Variants in PAX3 observed in about 807,000 individuals in gnomAD.
The protein encoded by PAX3 is paired box 3, also known as paired box protein Pax-3.
A neutral mutation model predicts 51.6 loss-of-function variants in PAX3; 14 were observed. That is an observed-to-expected ratio of 0.27 (90% CI 0.18 to 0.42). The LOEUF (loss-of-function observed/expected upper bound fraction) is 0.42. Ranked by LOEUF, PAX3 falls within the 10% of genes least tolerant of loss-of-function variation. PAX3 has a pLI of 1.00. For missense variants in PAX3, 540 were observed against 642.8 expected (o/e 0.84, Z 1.73); for synonymous variants, 280 against 253.4 (o/e 1.11, Z -1.00).
intron 4 of PAX3, 87 bp downstream of exon 4, chr2:222,294,080 C>T: frequency 6.3e-7 from 1 of 1,596,752 alleles, no homozygotes; most frequent in South Asian, 1.1e-5. Context: ...CCGAGCTGGG[C>T]TTGGCTGCCG....
At chr2:222,260,600 T>TGAGGCAAAG in intron 4 of PAX3, among the ~76,000 whole-genome samples, 2 of 63,536 alleles carry the variant, frequency 3.1e-5, no homozygotes, top group Non-Finnish European at 6.6e-5. Flanking sequence ...TGTTTTTTTT[T>TGAGGCAAAG]TTTTTTTTTG....
chr2:222,296,933 G>A (rs926626036), intron 2 of PAX3, 45 bp downstream of exon 2: 2 of 1,502,096 alleles, frequency 1.3e-6, no homozygotes, highest in Admixed American at 1.8e-5. Flanking sequence ...CCCAACACAG[G>A]GGACCACAGT....
intron 7 of PAX3, among the ~76,000 whole-genome samples, chr2:222,212,552 T>C (rs1233492372): frequency 2.0e-5 from 3 of 151,972 alleles, no homozygotes; most frequent in African/African-American, 4.8e-5. Flanking sequence ...AATATTATAC[T>C]ATACATTGAA....
chr2:222,243,611 T>A (rs1219148653), intron 4 of PAX3, among the ~76,000 whole-genome samples: 2 of 152,258 alleles, frequency 1.3e-5, no homozygotes, highest in African/African-American at 4.8e-5. Context: ...TGTTATTTAC[T>A]AAGAAACAGA....
chr2:222,296,955 G>T, intron 2 of PAX3, 23 bp downstream of exon 2: 1 of 1,591,152 alleles, frequency 6.3e-7, no homozygotes, highest in Non-Finnish European at 8.6e-7. Flanking sequence ...TGGGAGCCAG[G>T]AGGGCAAGGC....
intron 4 of PAX3, among the ~76,000 whole-genome samples, chr2:222,251,915 C>T (rs918226830): frequency 6.6e-6 from 1 of 152,108 alleles, no homozygotes; most frequent in South Asian, 2.1e-4. Flanking sequence ...AATTTACCAA[C>T]AGAACTCTAA....
intron 4 of PAX3, among the ~76,000 whole-genome samples, chr2:222,265,785 G>A (rs758049192): frequency 6.6e-6 from 1 of 152,176 alleles, no homozygotes; most frequent in Non-Finnish European, 1.5e-5. Flanking sequence ...TCCAGAATAC[G>A]ATGATGATTT....
At chr2:222,283,890 C>T (rs966605659) in intron 4 of PAX3, among the ~76,000 whole-genome samples, 3 of 152,244 alleles carry the variant, frequency 2.0e-5, no homozygotes, top group African/African-American at 7.2e-5. Flanking sequence ...TGCCAAGCTG[C>T]GCCAGAGGGA....
chr2:222,221,619 C>T (rs1692195735), intron 5 of PAX3: 1 of 494,468 alleles, frequency 2.0e-6, no homozygotes, highest in Non-Finnish European at 3.7e-6. Flanking sequence ...AACAACAGCC[C>T]CCATGAACCT....
chr2:222,216,908 A>C (rs1252409091), intron 7 of PAX3, among the ~76,000 whole-genome samples: 4 of 152,196 alleles, frequency 2.6e-5, no homozygotes, highest in Admixed American at 2.6e-4. Context: ...ATGCAGAAAT[A>C]TTTTTAACAT....
intron 4 of PAX3, among the ~76,000 whole-genome samples, chr2:222,269,405 G>C (rs1011611561): frequency 3.9e-5 from 6 of 152,146 alleles, no homozygotes; most frequent in Admixed American, 1.3e-4. Flanking sequence ...AGTGCCAAAA[G>C]AGAAAGGGGC....
At chr2:222,240,473 GTCC>G (rs1692970341) in intron 4 of PAX3, among the ~76,000 whole-genome samples, 1 of 152,176 alleles carries the variant, frequency 6.6e-6, no homozygotes, top group Admixed American at 6.5e-5. Context: ...TCATCGAAAA[GTCC>G]TCCTTTCTAA....
chr2:222,282,908 T>C (rs1447432550), intron 4 of PAX3, among the ~76,000 whole-genome samples: 1 of 152,256 alleles, frequency 6.6e-6, no homozygotes, highest in East Asian at 1.9e-4. Flanking sequence ...GAAACCTATG[T>C]TCCTACTCAG....
intron 4 of PAX3, among the ~76,000 whole-genome samples, chr2:222,255,706 T>C (rs780691426): frequency 2.0e-5 from 3 of 152,112 alleles, no homozygotes; most frequent in Non-Finnish European, 2.9e-5. Context: ...TGATCTGTCA[T>C]ATTTAGCAGT....
intron 4 of PAX3, among the ~76,000 whole-genome samples, chr2:222,288,135 CAAACA>C (rs1405612804): frequency 1.3e-5 from 2 of 152,172 alleles, no homozygotes; most frequent in African/African-American, 4.8e-5. Flanking sequence ...CTTAAACAAA[CAAACA>C]AAAGTCGGAT....
intron 4 of PAX3, chr2:222,293,751 GC>G: frequency 6.2e-7 from 1 of 1,614,104 alleles, no homozygotes; most frequent in Non-Finnish European, 8.5e-7. Context: ...GGAGACCAGG[GC>G]CTTTCCTGAG....
At chr2:222,261,199 T>G (rs1310852416) in intron 4 of PAX3, among the ~76,000 whole-genome samples, 1 of 152,212 alleles carries the variant, frequency 6.6e-6, no homozygotes, top group African/African-American at 2.4e-5. Flanking sequence ...ATGCACGCAG[T>G]GGACTGCCAG....
At chr2:222,263,796 T>C (rs1040782434) in intron 4 of PAX3, 3 of 152,188 alleles carry the variant, frequency 2.0e-5, no homozygotes, top group African/African-American at 7.2e-5. Flanking sequence ...AGAATACTAC[T>C]CAGCAATACA....
chr2:222,293,572 C>T, intron 4 of PAX3: 2 of 1,553,804 alleles, frequency 1.3e-6, no homozygotes, highest in Non-Finnish European at 1.8e-6. Flanking sequence ...CCTTTCAATT[C>T]CCAGGCACAC....
Sources: allele counts gnomAD v4.1 joint callset (sites outside exome capture counted in the v4.1 genomes callset), GRCh38; gene constraint gnomAD v4.1.1; transcripts MANE v1.5; gene names NCBI Gene and HGNC (gene_info 2026-07-23, HGNC 2026-07-21).